Variants in GRXCR1 observed in about 807,000 individuals in gnomAD.
GRXCR1 encodes the protein glutaredoxin domain-containing cysteine-rich protein 1.
In GRXCR1, 27 loss-of-function variants were observed where a neutral mutation model predicts 27.3. The observed-to-expected ratio is 0.99, with a 90% CI of 0.73 to 1.37. The LOEUF is 1.37. GRXCR1 is among the 40% of genes most tolerant of loss of function. The pLI is 0.00. For missense variants in GRXCR1, 379 were observed against 354.4 expected, an observed-to-expected ratio of 1.07 and a Z score of -0.56; for synonymous variants, 122 against 131.1, an observed-to-expected ratio of 0.93 and a Z score of 0.47.
At chr4:42,950,173 G>A (rs1203798271) in intron 1 of GRXCR1, among the ~76,000 whole-genome samples, 1 of 152,128 alleles carries the variant, frequency 6.6e-6, no homozygotes, top group Non-Finnish European at 1.5e-5. Context: ...GAGCACTGGG[G>A]TTCTTGTAAC....
intron 1 of GRXCR1, among the ~76,000 whole-genome samples, chr4:42,915,447 T>A (rs1024317465): frequency 1.3e-5 from 2 of 152,182 alleles, no homozygotes; most frequent in Non-Finnish European, 2.9e-5. Flanking sequence ...TGAAAAGATA[T>A]TTTTCTCTTT....
At chr4:42,942,024 T>C (rs1448889568) in intron 1 of GRXCR1, among the ~76,000 whole-genome samples, 3 of 152,082 alleles carry the variant, frequency 2.0e-5, no homozygotes, top group Non-Finnish European at 2.9e-5. Context: ...AACATGTTTG[T>C]GAGAGTTTCA....
Position 42,932,533 on chromosome 4 carries a change from G to T in GRXCR1, c.385-30359G>T, listed in dbSNP as rs566875497. Among the ~76,000 whole-genome samples the T allele has an allele frequency of 2.5e-4, 34 of 136,562 alleles. 1 individual carries two copies. Among genetic ancestry groups the T allele is most frequent in the Non-Finnish European group, 1.2e-4 (8 of 64,298 alleles). The allele number at this position is 136,562 out of a possible 152,430, so 89.6% of individuals were successfully genotyped here. A position where few individuals can be genotyped will look rare whatever the true frequency, so the allele number is the denominator to read the frequency against. ...CTTTTCATCAGCTCCAAGAGAAATA[G>T]ATCAGGCCAAACTCTCTTTGAGTGT... is the stretch of plus-strand genomic sequence containing the variant. On this transcript the variant is annotated intron_variant, in intron 1 of 3. Coordinates refer to ENST00000399770, the MANE Select transcript of GRXCR1 (RefSeq NM_001080476.3).
At chr4:42,971,088 G>T (rs1421558738) in intron 2 of GRXCR1, among the ~76,000 whole-genome samples, 1 of 152,116 alleles carries the variant, frequency 6.6e-6, no homozygotes, top group Non-Finnish European at 1.5e-5. Flanking sequence ...GATGCCACCA[G>T]TCTCTTTGCT....
chr4:42,898,798 T>C (rs1415120822), intron 1 of GRXCR1, among the ~76,000 whole-genome samples: 2 of 149,294 alleles, frequency 1.3e-5, no homozygotes, highest in Non-Finnish European at 3.0e-5. Context: ...TCCTGAGAAA[T>C]TCTTATGTAG....
chr4:42,978,378 A>G (rs2109783313), intron 2 of GRXCR1, among the ~76,000 whole-genome samples: 1 of 152,118 alleles, frequency 6.6e-6, no homozygotes, highest in South Asian at 2.1e-4. Context: ...AGTGAATTTA[A>G]TTTGTATTTA....
At chr4:42,999,589 C>G (rs1712282478) in intron 2 of GRXCR1, among the ~76,000 whole-genome samples, 1 of 152,212 alleles carries the variant, frequency 6.6e-6, no homozygotes, top group Non-Finnish European at 1.5e-5. Context: ...TCTTTGGCTC[C>G]TATGCCTCTC....
At chr4:42,910,391 T>C (rs1369579881) in intron 1 of GRXCR1, among the ~76,000 whole-genome samples, 5 of 152,198 alleles carry the variant, frequency 3.3e-5, no homozygotes, top group Admixed American at 1.3e-4. Flanking sequence ...TTTCAGAATC[T>C]ACACCACCCA....
intron 2 of GRXCR1, among the ~76,000 whole-genome samples, chr4:42,982,088 G>T (rs1175886496): frequency 2.0e-5 from 3 of 150,092 alleles, no homozygotes; most frequent in Non-Finnish European, 3.0e-5. Context: ...AAGTTTTAGG[G>T]TACATGTGCA....
At chr4:43,007,909 C>A (rs748008964) in intron 2 of GRXCR1, among the ~76,000 whole-genome samples, 7 of 152,194 alleles carry the variant, frequency 4.6e-5, no homozygotes, top group Non-Finnish European at 1.0e-4. Context: ...TAATTTTACA[C>A]TTTAAAGCGT....
In GRXCR1 at chr4:42,963,133, G is replaced by T; in HGVS notation, c.626G>T (p.Gly209Val). The change falls in exon 2 of 4, where the codon GGG (glycine) becomes GTG (valine). Residue 209 changes from glycine (G) to valine (V), a missense_variant and splice_region_variant. Gly to Val is a moderately radical substitution (Grantham distance 109, BLOSUM62 -3). Transcript: ENST00000399770. ...PVVFIDGHYL[G>V]GAEKILSMNE... ...GTGTTCATTGATGGCCATTACCTTG[G>T]GGTAAGTAAGCTGCCCAGGAAAGTC... 6.2e-7 allele frequency: 1 copy of T among 1,612,524 alleles called. No individual in the cohort carries two copies. Among genetic ancestry groups the T allele is most frequent in the Non-Finnish European group, 8.5e-7 (1 of 1,178,888 alleles).
intron 2 of GRXCR1, among the ~76,000 whole-genome samples, chr4:42,987,247 TAA>T (rs1560676889): frequency 6.1e-5 from 5 of 82,386 alleles, no homozygotes; most frequent in African/African-American, 2.4e-4. Context: ...ATATAATATA[TAA>T]TATATATATA....
chr4:42,985,250 T>A (rs900791446), intron 2 of GRXCR1, among the ~76,000 whole-genome samples: 1 of 152,178 alleles, frequency 6.6e-6, no homozygotes. Context: ...TCTCCTATAT[T>A]TAAAATTAAA....
chr4:42,936,377 AT>A (rs1202277434), intron 1 of GRXCR1, among the ~76,000 whole-genome samples: 1 of 151,902 alleles, frequency 6.6e-6, no homozygotes. Flanking sequence ...GCAGAATTTT[AT>A]TACTATTACT....
chr4:42,987,229 TTATA>T (rs1349228105), intron 2 of GRXCR1, among the ~76,000 whole-genome samples: 1 of 92,236 alleles, frequency 1.1e-5, no homozygotes, highest in Non-Finnish European at 2.2e-5. Context: ...ATATTATATA[TTATA>T]TATATATAAT....
chr4:42,986,747 G>A (rs978406647), intron 2 of GRXCR1, among the ~76,000 whole-genome samples: 5 of 152,180 alleles, frequency 3.3e-5, no homozygotes, highest in South Asian at 2.1e-4. Context: ...TATCTTATTT[G>A]AGATTCTCTG....
intron 1 of GRXCR1, among the ~76,000 whole-genome samples, chr4:42,904,568 C>T (rs201303687): frequency 1.4e-3 from 214 of 152,202 alleles, no homozygotes; most frequent in African/African-American, 4.9e-3. Flanking sequence ...ATGTACTTAT[C>T]TTCTATAAAT....
At chr4:43,021,347 A>G (rs2109807611) in intron 3 of GRXCR1, among the ~76,000 whole-genome samples, 1 of 152,078 alleles carries the variant, frequency 6.6e-6, no homozygotes, top group South Asian at 2.1e-4. Context: ...TTCATTTCTG[A>G]TCTCCCCTGC....
intron 2 of GRXCR1, among the ~76,000 whole-genome samples, chr4:42,964,918 T>C (rs1748203837): frequency 6.6e-6 from 1 of 152,012 alleles, no homozygotes; most frequent in Non-Finnish European, 1.5e-5. Flanking sequence ...GCTATGAACA[T>C]TTCCCTTTTT....
Sources: allele counts gnomAD v4.1 joint callset (sites outside exome capture counted in the v4.1 genomes callset), GRCh38; gene constraint gnomAD v4.1.1; transcripts MANE v1.5; gene names NCBI Gene and HGNC (gene_info 2026-07-23, HGNC 2026-07-21).